TACC2: variants seen among roughly 807,000 people sequenced by gnomAD.
The protein encoded by TACC2 is transforming acidic coiled-coil containing protein 2.
Under a neutral mutation model 227.3 loss-of-function variants are expected in TACC2, and 137 were observed. The observed-to-expected ratio is 0.60, with a 90% CI of 0.52 to 0.69. The LOEUF is 0.69. Among genes scored for constraint, TACC2 ranks in the 30% least tolerant of loss-of-function variants. The pLI is 0.00. For missense variants in TACC2, 3,470 were observed against 3,694.4 expected (o/e 0.94, Z 1.57); for synonymous variants, 1,523 against 1,487.5 (o/e 1.02, Z -0.55).
At chr10:122,120,121 C>T (rs748105397) in intron 5 of TACC2, among the ~76,000 whole-genome samples, 12 of 152,068 alleles carry the variant, frequency 7.9e-5, no homozygotes, top group Non-Finnish European at 1.8e-4. Context: ...AAGGTTCCCC[C>T]TCCGTCCTGC....
At chr10:122,218,554 G>A (rs1382639233) in intron 11 of TACC2, among the ~76,000 whole-genome samples, 2 of 152,112 alleles carry the variant, frequency 1.3e-5, no homozygotes, top group African/African-American at 4.8e-5. Flanking sequence ...TCAGAGTATT[G>A]GATGCATATC....
intron 1 of TACC2, among the ~76,000 whole-genome samples, chr10:121,997,390 C>T (rs1032263856): frequency 6.6e-6 from 1 of 152,156 alleles, no homozygotes; most frequent in African/African-American, 2.4e-5. Context: ...CTGGTCCTGG[C>T]CACCATTCCT....
intron 19 of TACC2, among the ~76,000 whole-genome samples, chr10:122,242,419 A>G (rs1029209121): frequency 3.3e-5 from 5 of 152,196 alleles, no homozygotes; most frequent in Non-Finnish European, 5.9e-5. Flanking sequence ...ACAAGGACCC[A>G]GGGACAAGGA....
Position 122,086,220 on chromosome 10 carries a change from C to T in TACC2, c.3720C>T (p.Val1240=), listed in dbSNP as rs748886768. 6.2e-6 allele frequency: 10 copies of T among 1,613,856 alleles called. No homozygotes were observed. Among genetic ancestry groups the T allele is most frequent in the South Asian group, 5.5e-5 (5 of 91,086 alleles). ...CTCCTGACACCCCTTACCTGCATGT[C>T]GACAGTGCTGCCCAGAGAGGAGCAG... ...VAAPDTPYLH[V]DSAAQRGAED... Residue 1240 remains valine (V), a synonymous_variant, in exon 4 of 23, where the codon GTC becomes GTT. Transcript: ENST00000369005.
intron 13 of TACC2, 95 bp downstream of exon 13, chr10:122,226,576 A>G: frequency 6.9e-6 from 6 of 871,430 alleles, no homozygotes; most frequent in Non-Finnish European, 1.1e-5. Flanking sequence ...ATTTCAGTGC[A>G]TAGATTCAGG....
rs1565202947 is a variant in TACC2, at chr10:122,068,852, A to AC, written c.147-13795_147-13794insC. Among the ~76,000 whole-genome samples, 765 of 83,330 alleles carry AC rather than the reference A, an allele frequency of 9.2e-3. 20 individuals carry two copies. Among genetic ancestry groups the AC allele is most frequent in the South Asian group, 0.057 (163 of 2,874 alleles). The allele number at this position is 83,330 out of a possible 152,430, so 54.7% of individuals were successfully genotyped here. ...CATTTTTCTGTCTGTGTGACCTAGA[A>AC]GTTTTTTTTTTTTTTTTTTGTATTT... On this transcript the variant is annotated intron_variant, in intron 3 of 22. Coordinates refer to ENST00000369005, the MANE Select transcript of TACC2 (RefSeq NM_206862.4).
At chr10:122,075,199 AAAAAG>A (rs1295573661) in intron 3 of TACC2, among the ~76,000 whole-genome samples, 1 of 115,488 alleles carries the variant, frequency 8.7e-6, no homozygotes, top group Non-Finnish European at 1.7e-5. Context: ...AAAAAAAAAA[AAAAAG>A]AAAGAAAGAA....
intron 2 of TACC2, among the ~76,000 whole-genome samples, chr10:122,032,098 G>C (rs1434085223): frequency 6.6e-6 from 1 of 152,138 alleles, no homozygotes; most frequent in African/African-American, 2.4e-5. Context: ...CCCAGAATAT[G>C]GGACACTCTG....
chr10:122,249,516 G>A (rs750418688), intron 21 of TACC2, 28 bp from the exon 22 acceptor site: 2 of 1,610,130 alleles, frequency 1.2e-6, no homozygotes, highest in African/African-American at 1.3e-5. Context: ...ACAAAAGAGT[G>A]ATAATTCTGA....
chr10:122,028,251 G>A (rs1009725425), intron 2 of TACC2, among the ~76,000 whole-genome samples: 5 of 151,520 alleles, frequency 3.3e-5, no homozygotes, highest in Admixed American at 2.0e-4. Context: ...CACCATGCCC[G>A]GCTAATTTTT....
chr10:122,085,186 G>C lies in TACC2; in HGVS notation c.2686G>C (p.Ala896Pro). Residue 896 changes from alanine to proline, a missense_variant, in exon 4 of 23, where the codon GCT becomes CCT. Physicochemically the swap from Ala to Pro is conservative, Grantham distance 27. Coordinates refer to ENST00000369005, the MANE Select transcript of TACC2 (RefSeq NM_206862.4). ...NLPTHGGQEQ[A>P]LGSELQSQLP... ...GCCCACTCATGGAGGACAGGAGCAG[G>C]CTTTGGGATCAGAACTTCAAAGTCA... 9 of 1,614,120 alleles carry C rather than the reference G, an allele frequency of 5.6e-6. No homozygotes were observed. The highest frequency in any genetic ancestry group is 7.6e-6 in the Non-Finnish European group (9 of 1,180,038).
At chr10:122,233,688 C>T (rs2095802325) in intron 16 of TACC2, among the ~76,000 whole-genome samples, 1 of 152,164 alleles carries the variant, frequency 6.6e-6, no homozygotes, top group Non-Finnish European at 1.5e-5. Context: ...CCAAAAGCCA[C>T]AAGTACAGCC....
At chr10:122,165,739 C>G (rs1592815441) in intron 7 of TACC2, among the ~76,000 whole-genome samples, 1 of 152,274 alleles carries the variant, frequency 6.6e-6, no homozygotes, top group South Asian at 2.1e-4. Context: ...AAATATAGAT[C>G]TTTACGATAG....
rs2095294800 is a variant in TACC2 at position 122,211,638 on chromosome 10, A to G, written c.7213A>G (p.Met2405Val). Reference protein sequence around the residue: ...PASFEIPASAMEANGVDGDGL... With the variant: ...PASFEIPASAVEANGVDGDGL... ...CTCCTTTGAGATCCCAGCCAGTGCT[A>G]TGGAAGCCAATGGAGTGGACGGGGA... Residue 2405 changes from methionine to valine, a missense_variant, in exon 9 of 23, where the codon ATG becomes GTG. Coordinates refer to ENST00000369005, the MANE Select transcript of TACC2 (RefSeq NM_206862.4). 3 of 1,609,292 alleles carry G rather than the reference A, an allele frequency of 1.9e-6. No individual in the cohort carries two copies. The highest frequency in any genetic ancestry group is 2.5e-6 in the Non-Finnish European group (3 of 1,178,126).
chr10:122,163,424 A>G (rs1467795928), intron 7 of TACC2: 4 of 303,012 alleles, frequency 1.3e-5, no homozygotes, highest in African/African-American at 2.3e-5. Context: ...AAGCTACACA[A>G]TGCGGGCGGT....
rs2075525785 is a variant in TACC2, at chr10:122,050,292, G to A, written c.34-146G>A. The A allele has an allele frequency of 1.1e-5, 7 of 655,290 alleles. No individual in the cohort carries two copies. The highest frequency in any genetic ancestry group is 2.7e-5 in the East Asian group (1 of 36,586). 40.6% of individuals were successfully genotyped at this position (655,290 alleles called of 1,614,324 possible). On this transcript the variant is annotated intron_variant, in intron 2 of 22. Transcript: ENST00000369005. The surrounding 1 kb of genome is among the most constrained non-coding windows in gnomAD (Gnocchi z 4.6). The stretch of plus-strand genomic sequence containing the variant: ...TATCCTCAAGGCCTAGCTCAGTGCC[G>A]CACATAGTAGGTGTTTCGTTGGACG...
At chr10:121,995,758 C>G (rs1307752232) in intron 1 of TACC2, among the ~76,000 whole-genome samples, 7 of 151,226 alleles carry the variant, frequency 4.6e-5, no homozygotes, top group Admixed American at 4.6e-4. Flanking sequence ...AGGATCTTTT[C>G]TTTTTTTTTG....
Position 122,084,208 on chromosome 10 carries a change from A to G in TACC2, c.1708A>G (p.Arg570Gly). Residue 570 changes from arginine (R) to glycine (G), a missense_variant, in exon 4 of 23, where the codon AGA becomes GGA. By Grantham distance (125) the Arg-to-Gly change is moderately radical. Coordinates refer to ENST00000369005, the MANE Select transcript of TACC2 (RefSeq NM_206862.4). ...CCCAGCCGTGGCTAAAGAAGGAAGC[A>G]GATCACCTGGTGACAGCCCTGGAGG... ...TSPAVAKEGS[R>G]SPGDSPGGKE... 1 of 1,614,110 alleles carries G rather than the reference A, an allele frequency of 6.2e-7. No individual in the cohort carries two copies. The highest frequency in any genetic ancestry group is 1.1e-5 in the South Asian group (1 of 91,074).
At chr10:122,080,538 C>G (rs1342763159) in intron 3 of TACC2, among the ~76,000 whole-genome samples, 1 of 152,074 alleles carries the variant, frequency 6.6e-6, no homozygotes, top group Non-Finnish European at 1.5e-5. Flanking sequence ...CGGCCTCTTC[C>G]TCTTCTTATA....
Sources: allele counts gnomAD v4.1 joint callset (sites outside exome capture counted in the v4.1 genomes callset), GRCh38; gene constraint gnomAD v4.1.1; non-coding constraint Gnocchi (gnomAD v3.1); transcripts MANE v1.5; gene names NCBI Gene and HGNC (gene_info 2026-07-23, HGNC 2026-07-21).